Variants in UBR3 observed in about 807,000 individuals in gnomAD.
UBR3 encodes the protein E3 ubiquitin-protein ligase UBR3.
A neutral mutation model predicts 243.2 loss-of-function variants in UBR3; 85 were observed. That is an observed-to-expected ratio of 0.35 (90% CI 0.29 to 0.42). The LOEUF is 0.42. Ranked by LOEUF, UBR3 falls within the 10% of genes least tolerant of loss-of-function variation. The probability of loss-of-function intolerance (pLI) is 1.00; values close to 1 mark genes in which losing one functional copy is unlikely to be tolerated. For synonymous variants in UBR3, 748 were observed against 799.8 expected, an observed-to-expected ratio of 0.94 and a Z score of 1.09; for missense variants, 1,686 against 2,300.8, an observed-to-expected ratio of 0.73 and a Z score of 5.47.
chr2:169,957,436 G>A (rs1264826825), intron 23 of UBR3, among the ~76,000 whole-genome samples: 1 of 151,872 alleles, frequency 6.6e-6, no homozygotes, highest in African/African-American at 2.4e-5. Context: ...GCTGGAAACC[G>A]TCATTCTGAC....
chr2:169,864,712 G>A (rs539258384), intron 1 of UBR3, among the ~76,000 whole-genome samples: 92 of 152,014 alleles, frequency 6.1e-4, no homozygotes, highest in Admixed American at 3.5e-3. Context: ...GACCATCCTG[G>A]CTAACACAGT....
At position 170,082,068 on chromosome 2, in the gene UBR3, G is replaced by T. The variant is rs1186228361; in HGVS notation, c.*225G>T. ...TAATAACAAGTTAAATTATTCTTTA[G>T]TGGTCATTTTTTAAGTGCACAATTA... On this transcript the variant is annotated 3_prime_UTR_variant, in exon 39 of 39. Coordinates refer to ENST00000272793, the MANE Select transcript of UBR3 (RefSeq NM_172070.4). The T allele has an allele frequency of 1.4e-5, 5 of 348,082 alleles. No individual in the cohort carries two copies. The East Asian group carries it at 2.2e-4, about 15-fold the overall frequency. The allele number at this position is 348,082 out of a possible 1,614,324, so 21.6% of individuals were successfully genotyped here.
chr2:169,833,531 G>A (rs1403353575), intron 1 of UBR3, among the ~76,000 whole-genome samples: 1 of 152,142 alleles, frequency 6.6e-6, no homozygotes, highest in Non-Finnish European at 1.5e-5. Flanking sequence ...AAAAGTTACT[G>A]TAAGATTACA....
chr2:170,042,022 C>T (rs1476410558), intron 32 of UBR3, among the ~76,000 whole-genome samples: 1 of 152,150 alleles, frequency 6.6e-6, no homozygotes, highest in Admixed American at 6.5e-5. Flanking sequence ...TTAGTACTGT[C>T]ACAGTATTGT....
intron 26 of UBR3, among the ~76,000 whole-genome samples, chr2:170,000,003 G>A (rs941392648): frequency 1.3e-5 from 2 of 152,092 alleles, no homozygotes; most frequent in African/African-American, 4.8e-5. Flanking sequence ...GCACATGCCT[G>A]TAATCCCAGC....
intron 29 of UBR3, among the ~76,000 whole-genome samples, chr2:170,012,179 T>A (rs1401114354): frequency 1.3e-5 from 2 of 152,066 alleles, no homozygotes; most frequent in African/African-American, 4.8e-5. Context: ...AAATTATGAA[T>A]CTTTTTAAAA....
At chr2:170,069,565 T>C (rs2091652691) in intron 35 of UBR3, among the ~76,000 whole-genome samples, 1 of 152,084 alleles carries the variant, frequency 6.6e-6, no homozygotes, top group South Asian at 2.1e-4. Flanking sequence ...TAACAGAGTT[T>C]GTACCCTTTG....
intron 1 of UBR3, among the ~76,000 whole-genome samples, chr2:169,857,362 C>T (rs1317709112): frequency 6.6e-6 from 1 of 151,960 alleles, no homozygotes; most frequent in Non-Finnish European, 1.5e-5. Context: ...GCCACTGCGC[C>T]CGGCCCCATT....
chr2:170,060,805 T>C (rs1361764098), intron 33 of UBR3, among the ~76,000 whole-genome samples: 1 of 152,038 alleles, frequency 6.6e-6, no homozygotes, highest in East Asian at 1.9e-4. Context: ...GGGAATTACT[T>C]GGTCAAAAAA....
intron 23 of UBR3, among the ~76,000 whole-genome samples, chr2:169,951,634 G>A (rs936575245): frequency 6.6e-6 from 1 of 152,060 alleles, no homozygotes; most frequent in Admixed American, 6.6e-5. Context: ...ATGGTTACAG[G>A]GAAACTGTGG....
intron 1 of UBR3, among the ~76,000 whole-genome samples, chr2:169,858,112 GA>G (rs2082955284): frequency 6.6e-6 from 1 of 152,114 alleles, no homozygotes; most frequent in Non-Finnish European, 1.5e-5. Context: ...TATGGGCCAC[GA>G]ATTTGAAAGT....
chr2:170,081,703 CT>C (rs549896616), intron 38 of UBR3, 22 bp from the exon 39 acceptor site: 249 of 1,497,530 alleles, frequency 1.7e-4, no homozygotes, highest in South Asian at 2.7e-4. Flanking sequence ...GATATTAATA[CT>C]TTTTTTTTCT....
At chr2:169,890,567 G>GTGTT (rs1475776277) in intron 5 of UBR3, among the ~76,000 whole-genome samples, 1 of 59,560 alleles carries the variant, frequency 1.7e-5, no homozygotes. Context: ...ATATATATGT[G>GTGTT]TATATATATA....
chr2:169,847,777 C>A (rs191150256), intron 1 of UBR3, among the ~76,000 whole-genome samples: 1 of 152,208 alleles, frequency 6.6e-6, no homozygotes, highest in Non-Finnish European at 1.5e-5. Context: ...CTGATGGGAA[C>A]AGACACCATT....
rs1017926282 is a variant in UBR3 at position 170,015,310 on chromosome 2, G to A, written c.4397G>A (p.Arg1466Gln). Residue 1466 changes from arginine (R) to glutamine (Q), a missense_variant, in exon 30 of 39, where the codon CGA (arginine) becomes CAA (glutamine). This residue lies in a region of UBR3 where 371 missense variants were observed against 422.5 expected (regional missense o/e 0.88). Transcript: ENST00000272793. Reference sequence around the variant, plus strand: ...AATTTAGAACTTGAATTGATTCATCGAGGAGGCAATTTGTGTTCAGGTGGT... The same window carrying A: ...AATTTAGAACTTGAATTGATTCATCAAGGAGGCAATTTGTGTTCAGGTGGT... Reference protein sequence around the residue: ...RTNLELELIHRGGNLCSGGAS... With the variant: ...RTNLELELIHQGGNLCSGGAS... The A allele has an allele frequency of 9.9e-6, 16 of 1,610,180 alleles. No individual in the cohort carries two copies. Among genetic ancestry groups the A allele is most frequent in the Non-Finnish European group, 1.3e-5 (15 of 1,178,010 alleles).
chr2:169,896,300 T>G (rs930008324), intron 7 of UBR3, among the ~76,000 whole-genome samples: 1 of 134,048 alleles, frequency 7.5e-6, no homozygotes, highest in East Asian at 2.1e-4. Flanking sequence ...GGAAAAAAAT[T>G]TTTTTTTTTT....
At chr2:170,068,323 C>T (rs1352818029) in intron 35 of UBR3, among the ~76,000 whole-genome samples, 2 of 151,932 alleles carry the variant, frequency 1.3e-5, no homozygotes, top group African/African-American at 4.8e-5. Flanking sequence ...CAGAAATTAG[C>T]CGGGCATGTT....
At chr2:169,928,472 G>A (rs1052484632) in intron 17 of UBR3, among the ~76,000 whole-genome samples, 1 of 151,620 alleles carries the variant, frequency 6.6e-6, no homozygotes, top group African/African-American at 2.4e-5. Context: ...AATTTATTTC[G>A]GGGAAAATAT....
chr2:169,905,212 T>A lies in UBR3; in HGVS notation c.1564T>A (p.Ser522Thr), dbSNP rs2084970168. 6.5e-7 allele frequency: 1 copy of A among 1,542,678 alleles called. No homozygotes were observed. The highest frequency in any genetic ancestry group is 8.7e-7 in the Non-Finnish European group (1 of 1,142,934). Residue 522 changes from serine (S) to threonine (T), a missense_variant, in exon 9 of 39, where the codon TCT becomes ACT. Transcript: ENST00000272793. The part of the protein sequence containing the change: ...PLVSDFINIL[S>T]HQSVAKRFLE... Reference sequence around the variant, plus strand: ...TGTTAGTGATTTTATTAATATTCTTTCTCATCAAAGTGTGGCCAAGAGATT... The same window carrying A: ...TGTTAGTGATTTTATTAATATTCTTACTCATCAAAGTGTGGCCAAGAGATT...
Sources: allele counts gnomAD v4.1 joint callset (sites outside exome capture counted in the v4.1 genomes callset), GRCh38; gene constraint gnomAD v4.1.1; regional missense constraint gnomAD v4.1.1; transcripts MANE v1.5; gene names NCBI Gene and HGNC (gene_info 2026-07-23, HGNC 2026-07-21).